The following ARHGAP24 variants were observed in gnomAD, a reference collection of about 807,000 sequenced individuals.
ARHGAP24 encodes the protein rho GTPase-activating protein 24.
A neutral mutation model predicts 76.4 loss-of-function variants in ARHGAP24; 50 were observed. The observed-to-expected ratio is 0.65, with a 90% CI of 0.52 to 0.83. The LOEUF (loss-of-function observed/expected upper bound fraction) is 0.83. Among genes scored for constraint, ARHGAP24 ranks in the 40% least tolerant of loss-of-function variants. The pLI, the probability that ARHGAP24 is intolerant of heterozygous loss-of-function variation, is 0.00. For missense variants in ARHGAP24, 930 were observed against 914.2 expected (o/e 1.02, Z -0.22); for synonymous variants, 345 against 323.3 (o/e 1.07, Z -0.72).
intron 6 of ARHGAP24, among the ~76,000 whole-genome samples, chr4:85,974,077 C>T (rs1432890212): frequency 6.7e-6 from 1 of 148,542 alleles, no homozygotes; most frequent in Admixed American, 6.7e-5. Context: ...AGGATGGTCT[C>T]GATCTCCTGA....
intron 3 of ARHGAP24, among the ~76,000 whole-genome samples, chr4:85,757,029 G>T (rs913220326): frequency 6.6e-6 from 1 of 152,016 alleles, no homozygotes; most frequent in African/African-American, 2.4e-5. Flanking sequence ...ACAGTGTCTG[G>T]TTTCTGGAGC....
chr4:85,980,440 T>G (rs1483275853), intron 8 of ARHGAP24, among the ~76,000 whole-genome samples: 1 of 152,200 alleles, frequency 6.6e-6, no homozygotes, highest in Non-Finnish European at 1.5e-5. Flanking sequence ...TTAGAACATC[T>G]CATAATTAAT....
At position 85,745,346 on chromosome 4, in the gene ARHGAP24, G is replaced by A. The variant is rs1324991250; in HGVS notation, c.268+23374G>A. Among the ~76,000 whole-genome samples, 4 of 147,580 alleles carry A rather than the reference G, an allele frequency of 2.7e-5. No homozygotes were observed. In the Admixed American group the frequency reaches 2.7e-4, roughly 10 times the overall value. On this transcript the variant is annotated intron_variant, in intron 3 of 9. Transcript: ENST00000395184. ...TATATATACATATATACATATATAT[G>A]TATTATAGAGTATATGTATTATATT...
intron 2 of ARHGAP24, among the ~76,000 whole-genome samples, chr4:85,639,911 C>T (rs1458157116): frequency 3.3e-5 from 5 of 152,026 alleles, no homozygotes; most frequent in Non-Finnish European, 5.9e-5. Flanking sequence ...TGGCAAATTC[C>T]TGTGCGTTAT....
At chr4:85,748,791 A>G (rs1219650368) in intron 3 of ARHGAP24, among the ~76,000 whole-genome samples, 1 of 152,186 alleles carries the variant, frequency 6.6e-6, no homozygotes, top group Non-Finnish European at 1.5e-5. Flanking sequence ...GTGTTGTTCT[A>G]TACTGTGGAA....
chr4:85,706,136 T>A (rs1218472523), intron 2 of ARHGAP24, among the ~76,000 whole-genome samples: 1 of 152,172 alleles, frequency 6.6e-6, no homozygotes, highest in East Asian at 1.9e-4. Context: ...AAGACAGAAT[T>A]CAGGCATTGG....
Position 85,994,650 on chromosome 4 carries a change from T to C in ARHGAP24, c.996T>C (p.Asp332=), listed in dbSNP as rs1309157615. The change falls in exon 9 of 10, where the codon GAT becomes GAC. Residue 332 remains aspartate (D), a synonymous_variant. Transcript: ENST00000395184. ...AACATGATTGCCTCTTTCCCAAAGA[T>C]GCAGAACTACAAAGCAAGCCCCAAG... is the stretch of plus-strand genomic sequence containing the variant. ...ISKHDCLFPK[D]AELQSKPQDG... The C allele has an allele frequency of 1.2e-6, 2 of 1,614,166 alleles. No individual in the cohort carries two copies. The highest frequency in any genetic ancestry group is 3.3e-5 in the Admixed American group (2 of 60,024).
intron 1 of ARHGAP24, among the ~76,000 whole-genome samples, chr4:85,553,285 G>A (rs1282347951): frequency 2.0e-5 from 3 of 152,122 alleles, no homozygotes; most frequent in African/African-American, 4.8e-5. Context: ...AGCAGGGAAG[G>A]GGACCCGCAG....
rs548051528 is a variant in ARHGAP24, at chr4:85,664,778, G to T, written c.181-57107G>T. Among the ~76,000 whole-genome samples the T allele has an allele frequency of 5.6e-4, 85 of 152,186 alleles. 1 individual carries two copies. In the Middle Eastern group the frequency reaches 0.017, roughly 30 times the overall value. Reference sequence around the variant, plus strand: ...CCTTCATTTCGTTATGTACCCAGTAGTCATTCAGGAGCAGGTTGTTCAGTT... The same window carrying T: ...CCTTCATTTCGTTATGTACCCAGTATTCATTCAGGAGCAGGTTGTTCAGTT... On this transcript the variant is annotated intron_variant, in intron 2 of 9. Transcript: ENST00000395184.
chr4:85,837,576 C>A (rs1375729929), intron 3 of ARHGAP24, among the ~76,000 whole-genome samples: 1 of 152,024 alleles, frequency 6.6e-6, no homozygotes, highest in African/African-American at 2.4e-5. Flanking sequence ...TCATCTTGGG[C>A]AAATGCTTAT....
intron 5 of ARHGAP24, among the ~76,000 whole-genome samples, chr4:85,963,105 T>A (rs1450515990): frequency 2.0e-5 from 3 of 152,086 alleles, no homozygotes; most frequent in Non-Finnish European, 4.4e-5. Flanking sequence ...TATCATTGTT[T>A]ACTTTCAAAT....
intron 3 of ARHGAP24, among the ~76,000 whole-genome samples, chr4:85,761,410 G>C (rs1726728376): frequency 6.6e-6 from 1 of 152,172 alleles, no homozygotes; most frequent in Admixed American, 6.5e-5. Flanking sequence ...CCACCTAAAA[G>C]AGTCCATTGG....
Position 85,876,343 on chromosome 4 carries a change from C to A in ARHGAP24, c.269-47305C>A, listed in dbSNP as rs553801250. 6.6e-5 allele frequency among the ~76,000 whole-genome samples: 10 copies of A among 152,184 alleles called. No individual in the cohort carries two copies. The South Asian group carries it at 1.9e-3, about 28-fold the overall frequency. On this transcript the variant is annotated intron_variant, in intron 3 of 9. Coordinates refer to ENST00000395184, the MANE Select transcript of ARHGAP24 (RefSeq NM_001025616.3). ...TTGAATTGTCAGCATTGTCTTTAATCTTTAGTTTGTTGGAAGGAAACTTGA... is the reference window on the plus strand; with the variant it reads ...TTGAATTGTCAGCATTGTCTTTAATATTTAGTTTGTTGGAAGGAAACTTGA...
intron 5 of ARHGAP24, among the ~76,000 whole-genome samples, chr4:85,964,351 A>T (rs985517485): frequency 1.3e-5 from 2 of 152,182 alleles, no homozygotes; most frequent in African/African-American, 2.4e-5. Context: ...TGTTGTTGCC[A>T]GTCAATTTTG....
At chr4:85,918,904 T>C (rs1735564165) in intron 3 of ARHGAP24, among the ~76,000 whole-genome samples, 1 of 152,204 alleles carries the variant, frequency 6.6e-6, no homozygotes. Context: ...TGTATACTAC[T>C]TTCCGACATG....
At chr4:85,566,799 A>G (rs1370678940) in intron 1 of ARHGAP24, among the ~76,000 whole-genome samples, 2 of 152,234 alleles carry the variant, frequency 1.3e-5, no homozygotes, top group Non-Finnish European at 2.9e-5. Flanking sequence ...CAAAGGACAC[A>G]GTTCAGCGAT....
At chr4:85,751,288 A>G (rs1009845818) in intron 3 of ARHGAP24, among the ~76,000 whole-genome samples, 11 of 152,162 alleles carry the variant, frequency 7.2e-5, no homozygotes, top group African/African-American at 2.7e-4. Flanking sequence ...TGGGTGCAGA[A>G]TATTTAGATT....
intron 1 of ARHGAP24, among the ~76,000 whole-genome samples, chr4:85,484,016 C>T (rs751972662): frequency 6.6e-6 from 1 of 152,208 alleles, no homozygotes; most frequent in Non-Finnish European, 1.5e-5. Flanking sequence ...ATTAAAAGTA[C>T]ACATTGATAT....
rs11353046 is a variant in ARHGAP24 at position 85,782,036 on chromosome 4, C to CAA, written c.268+60078_268+60079dup. On this transcript the variant is annotated intron_variant, in intron 3 of 9. Coordinates refer to ENST00000395184, the MANE Select transcript of ARHGAP24 (RefSeq NM_001025616.3). ...TGGGCAACAGAGTGAGATTCTATCT[C>CAA]AAAAAAAAAAAAAAAGAAAAAAAAA... Among the ~76,000 whole-genome samples the CAA allele has an allele frequency of 6.1e-4, 65 of 106,652 alleles. 1 individual carries two copies. The highest frequency in any genetic ancestry group is 2.7e-3 in the African/African-American group (62 of 23,228). 70.0% of individuals were successfully genotyped at this position (106,652 alleles called of 152,430 possible).
Sources: gnomAD v4.1 joint callset for allele counts (sites outside exome capture counted in the v4.1 genomes callset) on GRCh38, gnomAD v4.1.1 for gene constraint, MANE v1.5 for transcripts, NCBI Gene and HGNC (gene_info 2026-07-23, HGNC 2026-07-21) for gene names.